Variants in PATJ observed in about 807,000 individuals in gnomAD.
PATJ encodes the protein inaD-like protein.
Under a neutral mutation model 224.9 loss-of-function variants are expected in PATJ, and 190 were observed. That is an observed-to-expected ratio of 0.84 (90% CI 0.75 to 0.95). PATJ has a LOEUF of 0.95. PATJ is among the 40% of genes least tolerant of loss of function. The probability of loss-of-function intolerance (pLI) is 0.00; values close to 1 mark genes in which losing one functional copy is unlikely to be tolerated. For missense variants in PATJ, 2,121 were observed against 2,270.3 expected (o/e 0.93, Z 1.34); for synonymous variants, 769 against 820.3 (o/e 0.94, Z 1.07).
chr1:61,842,940 CAG>C (rs1557742629), intron 17 of PATJ, among the ~76,000 whole-genome samples: 1 of 152,016 alleles, frequency 6.6e-6, no homozygotes, highest in Non-Finnish European at 1.5e-5. Context: ...TAGAGTGTGC[CAG>C]AGTGATTGAA....
At chr1:62,148,520 A>G in intron 42 of PATJ, 130 bp downstream of exon 42, 1 of 672,484 alleles carries the variant, frequency 1.5e-6, no homozygotes. Flanking sequence ...ATTCTAGGGA[A>G]TCCTTATTTC....
intron 14 of PATJ, among the ~76,000 whole-genome samples, chr1:61,818,908 C>T (rs749643049): frequency 6.6e-6 from 1 of 152,056 alleles, no homozygotes; most frequent in Non-Finnish European, 1.5e-5. Flanking sequence ...CCAGTTCTTG[C>T]CTTAACCCTT....
At chr1:61,982,017 A>G (rs80094395) in intron 27 of PATJ, among the ~76,000 whole-genome samples, 4,754 of 152,046 alleles carry the variant, frequency 0.031, 118 homozygotes, top group Middle Eastern at 0.058. Context: ...TCCTCTGAGT[A>G]TAGGGCAGGA....
rs1191487255 is a variant in PATJ, at chr1:62,161,326, GATTTCTT to G, written c.*273_*279del. 353 of 215,084 alleles carry G rather than the reference GATTTCTT, an allele frequency of 1.6e-3. 2 individuals carry two copies. Among genetic ancestry groups the G allele is most frequent in the African/African-American group, 8.7e-3 (326 of 37,674 alleles). The allele number at this position is 215,084 out of a possible 1,614,324, so 13.3% of individuals were successfully genotyped here. On this transcript the variant is annotated 3_prime_UTR_variant, in exon 44 of 44. Transcript: ENST00000642238. ...GTTTTGCATTTAATTTCAGTGTTCCGATTTCTTTTTTTTTTTTTTTTTTTTTTTTTGA... is the reference window on the plus strand; with the variant it reads ...GTTTTGCATTTAATTTCAGTGTTCCGTTTTTTTTTTTTTTTTTTTTTTTGA...
intron 21 of PATJ, among the ~76,000 whole-genome samples, chr1:61,882,961 C>A (rs1054702277): frequency 6.6e-6 from 1 of 151,794 alleles, no homozygotes; most frequent in Non-Finnish European, 1.5e-5. Context: ...ATACCTTATG[C>A]ATTATCTTTT....
chr1:61,755,180 G>C (rs971325404), intron 1 of PATJ, among the ~76,000 whole-genome samples: 1 of 151,572 alleles, frequency 6.6e-6, no homozygotes, highest in East Asian at 1.9e-4. Flanking sequence ...GTAGTGGCGG[G>C]TGCCTGTAGT....
intron 7 of PATJ, among the ~76,000 whole-genome samples, chr1:61,776,670 T>G (rs1197371031): frequency 6.6e-6 from 1 of 152,132 alleles, no homozygotes; most frequent in Non-Finnish European, 1.5e-5. Flanking sequence ...CTAGCATTCT[T>G]GCTATGTACT....
intron 9 of PATJ, among the ~76,000 whole-genome samples, chr1:61,794,350 A>G (rs1650578521): frequency 6.7e-6 from 1 of 150,302 alleles, no homozygotes. Context: ...CCACTATGTC[A>G]CCCAGGCTGG....
chr1:62,128,853 A>G lies in PATJ; in HGVS notation c.5179A>G (p.Ile1727Val), dbSNP rs759226522. The change falls in exon 41 of 44, where the codon ATT becomes GTT. Residue 1727 changes from isoleucine (I) to valine (V), a missense_variant. By Grantham distance (29) the Ile-to-Val change is conservative. Coordinates refer to ENST00000642238, the MANE Select transcript of PATJ (RefSeq NM_001350145.3). Reference sequence around the variant, plus strand: ...TTTGTACTTCCAGGTTGGAGATCGGATTGTCAGCATTAACGGGCAACCTTT... The same window carrying G: ...TTTGTACTTCCAGGTTGGAGATCGGGTTGTCAGCATTAACGGGCAACCTTT... ...RTQKLKVGDR[I>V]VSINGQPLDG... 5.6e-5 allele frequency: 90 copies of G among 1,610,348 alleles called. No individual in the cohort carries two copies. Among genetic ancestry groups the G allele is most frequent in the Non-Finnish European group, 7.6e-5 (90 of 1,176,790 alleles).
chr1:61,787,835 C>G lies in PATJ; in HGVS notation c.931C>G (p.Gln311Glu). The G allele has an allele frequency of 6.2e-7, 1 of 1,614,114 alleles. No individual in the cohort carries two copies. Among genetic ancestry groups the G allele is most frequent in the Non-Finnish European group, 8.5e-7 (1 of 1,179,978 alleles). ...GGGAATGACCAGTGAGCAAGTTGCA[C>G]AAGTTCTAAGGAACTGTGGGAATTC... ...VQGMTSEQVAQVLRNCGNSVR... is the reference protein window; with the variant it reads ...VQGMTSEQVAEVLRNCGNSVR... Residue 311 changes from glutamine (Q) to glutamate (E), a missense_variant, in exon 8 of 44, where the codon CAA (glutamine) becomes GAA (glutamate). Physicochemically the swap from Gln to Glu is conservative, Grantham distance 29. Transcript: ENST00000642238.
At chr1:61,861,497 TCCCCA>T in intron 18 of PATJ, 49 bp from the exon 19 acceptor site, 1 of 796,686 alleles carries the variant, frequency 1.3e-6, no homozygotes, top group Non-Finnish European at 2.1e-6. Flanking sequence ...CTCCCCTTGC[TCCCCA>T]CCCCACAATA....
chr1:61,777,845 C>G (rs1647021678), intron 7 of PATJ, among the ~76,000 whole-genome samples: 1 of 150,892 alleles, frequency 6.6e-6, no homozygotes, highest in Admixed American at 6.6e-5. Context: ...GTAGTTGGTA[C>G]TACAGGCATG....
intron 30 of PATJ, 111 bp from the exon 31 acceptor site, chr1:62,050,855 C>T: frequency 1.3e-6 from 1 of 770,676 alleles, no homozygotes; most frequent in Non-Finnish European, 2.2e-6. Context: ...TCAGAGGAAA[C>T]AATATCCACC....
chr1:61,887,816 G>A (rs1669097773), intron 22 of PATJ, among the ~76,000 whole-genome samples: 1 of 152,186 alleles, frequency 6.6e-6, no homozygotes, highest in Admixed American at 6.6e-5. Flanking sequence ...GTGCACAAAG[G>A]AGTTGGAGCT....
chr1:61,800,058 AG>A (rs886080980), intron 11 of PATJ, among the ~76,000 whole-genome samples: 12 of 152,192 alleles, frequency 7.9e-5, no homozygotes, highest in Non-Finnish European at 1.6e-4. Flanking sequence ...TAAACATACA[AG>A]TACATGTGTC....
chr1:61,842,009 G>A lies in PATJ; in HGVS notation c.2112+8224G>A, dbSNP rs555450184. ...GGTGTGCTCATGGAGTGGATTGATT[G>A]TGGCTACTGGGGAAATTCTCTCATG... On this transcript the variant is annotated intron_variant, in intron 17 of 43. Transcript: ENST00000642238. Among the ~76,000 whole-genome samples the A allele has an allele frequency of 2.0e-5, 3 of 152,232 alleles. No homozygotes were observed. The East Asian group carries it at 5.8e-4, about 29-fold the overall frequency.
In PATJ at chr1:61,769,409, A is replaced by G. The variant is rs754655332; in HGVS notation, c.511A>G (p.Ser171Gly). The change falls in exon 5 of 44, where the codon AGT becomes GGT. Residue 171 changes from serine (S) to glycine (G), a missense_variant. By Grantham distance (56) the Ser-to-Gly change is moderately conservative (BLOSUM62 0). Coordinates refer to ENST00000642238, the MANE Select transcript of PATJ (RefSeq NM_001350145.3). Reference protein sequence around the residue: ...DIFVKDVQPGSVADRDQRLKE... With the variant: ...DIFVKDVQPGGVADRDQRLKE... The stretch of plus-strand genomic sequence containing the variant: ...CTTCGTGAAGGATGTCCAGCCAGGG[A>G]GTGTAGCAGACAGGTGAGGAAGCTG... 5 of 1,613,604 alleles carry G rather than the reference A, an allele frequency of 3.1e-6. No individual in the cohort carries two copies. In the Admixed American group the frequency reaches 5.0e-5, roughly 16 times the overall value.
intron 25 of PATJ, among the ~76,000 whole-genome samples, chr1:61,911,319 T>C (rs1432985796): frequency 1.3e-5 from 2 of 152,230 alleles, no homozygotes; most frequent in African/African-American, 4.8e-5. Context: ...ATTCAAGTAA[T>C]TCTTCTGCCT....
At chr1:61,775,184 CT>C in intron 6 of PATJ, 21 bp from the exon 7 acceptor site, 1 of 1,601,902 alleles carries the variant, frequency 6.2e-7, no homozygotes, top group Admixed American at 1.8e-5. Flanking sequence ...TACTGCGACT[CT>C]TATTTGCCAT....
Sources: gnomAD v4.1 joint callset for allele counts (sites outside exome capture counted in the v4.1 genomes callset) on GRCh38, gnomAD v4.1.1 for gene constraint, MANE v1.5 for transcripts, NCBI Gene and HGNC (gene_info 2026-07-23, HGNC 2026-07-21) for gene names.